The following ICA1 variants were observed in gnomAD, a reference collection of about 807,000 sequenced individuals.
ICA1 encodes the protein islet cell autoantigen 1, also known as 69 kDa islet cell autoantigen.
In ICA1, 40 loss-of-function variants were observed where a neutral mutation model predicts 71.0. The observed-to-expected ratio is 0.56, with a 90% confidence interval of 0.44 to 0.73. The LOEUF (loss-of-function observed/expected upper bound fraction) is 0.73, where lower values mean the gene tolerates loss of function less well. ICA1 is among the 30% of genes least tolerant of loss of function. The pLI is 0.00. For synonymous variants in ICA1, 207 were observed against 209.5 expected (o/e 0.99, Z 0.10); for missense variants, 578 against 576.5 (o/e 1.00, Z -0.03).
chr7:8,163,638 TG>T (rs1387130209), intron 6 of ICA1, among the ~76,000 whole-genome samples: 3 of 152,188 alleles, frequency 2.0e-5, no homozygotes, highest in African/African-American at 7.2e-5. Flanking sequence ...TCCGAGGACA[TG>T]GTGCTCAACC....
chr7:8,193,993 C>T (rs1418459075), intron 6 of ICA1, among the ~76,000 whole-genome samples: 1 of 152,192 alleles, frequency 6.6e-6, no homozygotes, highest in Non-Finnish European at 1.5e-5. Flanking sequence ...TTTTCATTTT[C>T]CAAGTTCACT....
chr7:8,126,699 G>C (rs1022595688), intron 13 of ICA1, among the ~76,000 whole-genome samples: 3 of 152,068 alleles, frequency 2.0e-5, no homozygotes, highest in Non-Finnish European at 4.4e-5. Context: ...GTTTATTAGG[G>C]AGACAGCCTA....
chr7:8,225,873 T>A (rs552581264), intron 4 of ICA1, among the ~76,000 whole-genome samples: 1 of 152,330 alleles, frequency 6.6e-6, no homozygotes, highest in East Asian at 1.9e-4. Flanking sequence ...ATTTGCATAA[T>A]GTAGTTTCAG....
At chr7:8,157,283 T>C in intron 7 of ICA1, 69 bp from the exon 8 acceptor site, 1 of 1,375,166 alleles carries the variant, frequency 7.3e-7, no homozygotes, top group Non-Finnish European at 9.9e-7. Context: ...CCCAGGGAAG[T>C]ATGACTCTCT....
intron 6 of ICA1, among the ~76,000 whole-genome samples, chr7:8,182,529 G>C (rs181437398): frequency 1.3e-5 from 2 of 152,270 alleles, no homozygotes; most frequent in African/African-American, 4.8e-5. Flanking sequence ...CAACCATTGG[G>C]ATGTTCCAAA....
At chr7:8,152,620 CTTCCACCA>C (rs1306825755) in intron 8 of ICA1, among the ~76,000 whole-genome samples, 33 of 139,224 alleles carry the variant, frequency 2.4e-4, no homozygotes, top group African/African-American at 7.9e-4. Flanking sequence ...ACCATCACCT[CTTCCACCA>C]CTACCACCAT....
intron 13 of ICA1, among the ~76,000 whole-genome samples, chr7:8,125,578 G>C (rs746258769): frequency 1.3e-5 from 2 of 152,030 alleles, no homozygotes; most frequent in African/African-American, 2.4e-5. Context: ...CCCTAACATC[G>C]ATCACTTTCT....
At chr7:8,133,404 C>G (rs570485868) in intron 12 of ICA1, among the ~76,000 whole-genome samples, 1 of 152,170 alleles carries the variant, frequency 6.6e-6, no homozygotes, top group African/African-American at 2.4e-5. Flanking sequence ...GCTGGGACTA[C>G]AGGCACATGC....
intron 13 of ICA1, among the ~76,000 whole-genome samples, chr7:8,121,912 A>G (rs1787114710): frequency 6.6e-6 from 1 of 152,232 alleles, no homozygotes; most frequent in South Asian, 2.1e-4. Flanking sequence ...ATTAAAAGTT[A>G]AAATAAAGTG....
chr7:8,201,432 C>A (rs1319386985), intron 6 of ICA1, among the ~76,000 whole-genome samples: 1 of 152,150 alleles, frequency 6.6e-6, no homozygotes, highest in African/African-American at 2.4e-5. Flanking sequence ...GGGCTGGGGC[C>A]TTCAATCAGG....
At chr7:8,219,807 T>A (rs1796506516) in intron 5 of ICA1, among the ~76,000 whole-genome samples, 4 of 152,148 alleles carry the variant, frequency 2.6e-5, no homozygotes, top group Admixed American at 1.3e-4. Context: ...ACATCAAGAG[T>A]CCTCAGCTAT....
At chr7:8,205,010 T>C (rs1289252639) in intron 6 of ICA1, among the ~76,000 whole-genome samples, 2 of 147,324 alleles carry the variant, frequency 1.4e-5, no homozygotes, top group Non-Finnish European at 3.0e-5. Context: ...ACTTACGAAA[T>C]CTAACCATTG....
chr7:8,195,395 A>G, intron 6 of ICA1, among the ~76,000 whole-genome samples: 1 of 151,914 alleles, frequency 6.6e-6, no homozygotes. Flanking sequence ...AGAAAAAATT[A>G]GCCGGGTGTG....
In ICA1 at chr7:8,173,543, C is replaced by T. The variant is rs1480750218; in HGVS notation, c.580-14891G>A. On this transcript the variant is annotated intron_variant, in intron 6 of 13. Transcript: ENST00000402384. This position sits in a 1 kb window ranked among gnomAD's most constrained non-coding sequence, Gnocchi z 4.0. The stretch of plus-strand genomic sequence containing the variant: ...AAAGAAAAAGAAACAAACATTTATC[C>T]TGCATATCCTATCAAACTGTCTGTG... Among the ~76,000 whole-genome samples the T allele has an allele frequency of 6.6e-6, 1 of 152,162 alleles. No homozygotes were observed. The highest frequency in any genetic ancestry group is 1.5e-5 in the Non-Finnish European group (1 of 68,022).
At chr7:8,190,188 G>C (rs1005694676) in intron 6 of ICA1, among the ~76,000 whole-genome samples, 1 of 151,750 alleles carries the variant, frequency 6.6e-6, no homozygotes, top group African/African-American at 2.4e-5. Flanking sequence ...TTAAGGCTAA[G>C]AAAGTAAATT....
chr7:8,162,473 C>T (rs1022126638), intron 6 of ICA1, among the ~76,000 whole-genome samples: 3 of 152,238 alleles, frequency 2.0e-5, no homozygotes, highest in Non-Finnish European at 4.4e-5. Context: ...CTAGAAAACA[C>T]ATTTCCAGCC....
At chr7:8,162,998 A>T (rs976242828) in intron 6 of ICA1, among the ~76,000 whole-genome samples, 6 of 152,192 alleles carry the variant, frequency 3.9e-5, no homozygotes, top group African/African-American at 7.2e-5. Flanking sequence ...TTGTGACCTC[A>T]GAAAATCCGC....
At position 8,113,245 on chromosome 7, in the gene ICA1, G is replaced by C. The variant is rs1397715177; in HGVS notation, c.*678C>G. On this transcript the variant is annotated 3_prime_UTR_variant, in exon 14 of 14. Coordinates refer to ENST00000402384, the MANE Select transcript of ICA1 (RefSeq NM_001136020.3). This position sits in a 1 kb window ranked among gnomAD's most constrained non-coding sequence, Gnocchi z 4.2. ...AAAAAAAAAAACAATGTCACAAGAG[G>C]CTTCAGAAATACATGCTTTTGAATT... The C allele has an allele frequency of 2.6e-5, 4 of 151,928 alleles. No homozygotes were observed. The highest frequency in any genetic ancestry group is 4.4e-5 in the Non-Finnish European group (3 of 67,990). The allele number at this position is 151,928 out of a possible 1,614,324, so 9.4% of individuals were successfully genotyped here.
chr7:8,156,115 C>T lies in ICA1; in HGVS notation c.804+1001G>A, dbSNP rs147353553. Among the ~76,000 whole-genome samples the T allele has an allele frequency of 2.3e-4, 35 of 152,286 alleles. No homozygotes were observed. The East Asian group carries it at 6.7e-3, about 29-fold the overall frequency. The stretch of plus-strand genomic sequence containing the variant: ...GTCTGGAGCCAGGTCAGGTGCAGCA[C>T]AAGGTGAGTGGACTTTCTTGGGTTC... On this transcript the variant is annotated intron_variant, in intron 8 of 13. Transcript: ENST00000402384.
Sources: gnomAD v4.1 joint callset for allele counts (sites outside exome capture counted in the v4.1 genomes callset) on GRCh38, gnomAD v4.1.1 for gene constraint, Gnocchi (gnomAD v3.1) non-coding constraint, MANE v1.5 for transcripts, NCBI Gene and HGNC (gene_info 2026-07-23, HGNC 2026-07-21) for gene names.